Variants in NDUFAF4 observed in about 807,000 individuals in gnomAD.
NDUFAF4 encodes NADH dehydrogenase [ubiquinone] 1 alpha subcomplex assembly factor 4.
Under a neutral mutation model 15.6 loss-of-function variants are expected in NDUFAF4, and 10 were observed. The ratio of observed to expected loss-of-function variants is 0.64; its 90% CI spans 0.40 to 1.09. NDUFAF4 has a LOEUF of 1.09. Ranked by LOEUF, NDUFAF4 falls within the 50% of genes least tolerant of loss-of-function variation. The pLI is 0.01. For synonymous variants in NDUFAF4, 77 were observed against 73.3 expected (o/e 1.05, Z -0.26); for missense variants, 203 against 207.3 (o/e 0.98, Z 0.13).
chr6:96,897,432 G>C (rs529586458), intron 1 of NDUFAF4, among the ~76,000 whole-genome samples: 9 of 152,210 alleles, frequency 5.9e-5, no homozygotes, highest in Admixed American at 4.6e-4. Flanking sequence ...GGGAGCACTG[G>C]CTGCTGCCTC....
chr6:96,897,578 C>A, intron 1 of NDUFAF4, 88 bp downstream of exon 1: 1 of 1,565,606 alleles, frequency 6.4e-7, no homozygotes. Flanking sequence ...TGACGCCGAT[C>A]CCTCGGCCTC....
chr6:96,896,261 T>G (rs1238149172), intron 2 of NDUFAF4: 1 of 178,258 alleles, frequency 5.6e-6, no homozygotes, highest in East Asian at 1.5e-4. Context: ...ATTCCTAATG[T>G]ATTCTTTGAT....
intron 2 of NDUFAF4, 123 bp downstream of exon 2, chr6:96,896,621 C>T (rs1184028500): frequency 3.8e-6 from 3 of 798,784 alleles, no homozygotes; most frequent in South Asian, 1.4e-5. Context: ...TTTGCCAAGG[C>T]GTGTAGATTG....
chr6:96,897,548 G>A (rs1298084330), intron 1 of NDUFAF4, 118 bp downstream of exon 1: 7 of 1,439,798 alleles, frequency 4.9e-6, no homozygotes, highest in Non-Finnish European at 4.7e-6. Flanking sequence ...GCCAACCCGA[G>A]CGGCTGCGGC....
intron 1 of NDUFAF4, 124 bp from the exon 2 acceptor site, chr6:96,896,971 G>T: frequency 1.3e-6 from 1 of 748,110 alleles, no homozygotes. Flanking sequence ...CTGTTGCCCA[G>T]ACTGGAGTGC....
chr6:96,894,543 C>A (rs1177093465), intron 2 of NDUFAF4, among the ~76,000 whole-genome samples: 1 of 152,064 alleles, frequency 6.6e-6, no homozygotes, highest in Non-Finnish European at 1.5e-5. Flanking sequence ...GTAACTGTTC[C>A]ATTTTATTAG....
chr6:96,896,304 T>C (rs1582313768), intron 2 of NDUFAF4, among the ~76,000 whole-genome samples: 2 of 152,066 alleles, frequency 1.3e-5, no homozygotes, highest in Admixed American at 1.3e-4. Context: ...TCTGAATACA[T>C]CCTTAAAAAA....
intron 2 of NDUFAF4, among the ~76,000 whole-genome samples, chr6:96,894,291 C>T (rs1775346298): frequency 6.6e-6 from 1 of 152,140 alleles, no homozygotes; most frequent in East Asian, 1.9e-4. Context: ...ACTTAGTAGC[C>T]ATTCTGGTTA....
At chr6:96,894,358 T>C (rs1775346838) in intron 2 of NDUFAF4, among the ~76,000 whole-genome samples, 1 of 152,162 alleles carries the variant, frequency 6.6e-6, no homozygotes, top group Admixed American at 6.5e-5. Flanking sequence ...TTACCAAGAA[T>C]AGCCCCAAAG....
intron 2 of NDUFAF4, 96 bp from the exon 3 acceptor site, chr6:96,891,487 CTAA>C: frequency 7.8e-7 from 1 of 1,285,618 alleles, no homozygotes. Context: ...CAAATAACAA[CTAA>C]TATGGTTTGG....
chr6:96,895,112 C>T (rs982815968), intron 2 of NDUFAF4, among the ~76,000 whole-genome samples: 3 of 152,104 alleles, frequency 2.0e-5, no homozygotes, highest in African/African-American at 7.2e-5. Flanking sequence ...TATATTTACA[C>T]AACAAGCCAT....
intron 2 of NDUFAF4, among the ~76,000 whole-genome samples, chr6:96,895,014 A>G (rs1775354434): frequency 6.6e-6 from 1 of 152,212 alleles, no homozygotes; most frequent in Admixed American, 6.5e-5. Flanking sequence ...AAAAATAAGT[A>G]AAACTGATGA....
rs184678986 is a variant in NDUFAF4 at position 96,889,741 on chromosome 6, C to G, written c.*1363G>C. Reference sequence around the variant, plus strand: ...GGAAGTAGTGATGCCTATCTTCCCTCGGAAGCACTAATAACCCTAATATAC... The same window carrying G: ...GGAAGTAGTGATGCCTATCTTCCCTGGGAAGCACTAATAACCCTAATATAC... On this transcript the variant is annotated 3_prime_UTR_variant, in exon 3 of 3. Transcript: ENST00000316149. 1 of 152,394 alleles carries G rather than the reference C, an allele frequency of 6.6e-6. No homozygotes were observed. The highest frequency in any genetic ancestry group is 2.4e-5 in the African/African-American group (1 of 41,428). The allele number at this position is 152,394 out of a possible 1,614,324, so 9.4% of individuals were successfully genotyped here. A position where few individuals can be genotyped will look rare whatever the true frequency, so the allele number is the denominator to read the frequency against.
intron 2 of NDUFAF4, among the ~76,000 whole-genome samples, chr6:96,894,112 A>C (rs550755949): frequency 2.9e-4 from 44 of 152,332 alleles, no homozygotes; most frequent in African/African-American, 9.4e-4. Flanking sequence ...ACTACAGACC[A>C]AAAATATTAA....
intron 2 of NDUFAF4, among the ~76,000 whole-genome samples, chr6:96,892,181 T>C (rs528604772): frequency 4.6e-5 from 7 of 152,294 alleles, no homozygotes; most frequent in African/African-American, 1.7e-4. Context: ...TCATACTCAG[T>C]ACTCCCAAAC....
intron 2 of NDUFAF4, among the ~76,000 whole-genome samples, chr6:96,891,720 T>C (rs554333041): frequency 6.6e-6 from 1 of 151,964 alleles, no homozygotes; most frequent in Non-Finnish European, 1.5e-5. Flanking sequence ...CTGCTTCCCA[T>C]TCCACCATGA....
chr6:96,892,557 TC>T (rs1409251044), intron 2 of NDUFAF4, among the ~76,000 whole-genome samples: 1 of 152,164 alleles, frequency 6.6e-6, no homozygotes, highest in Non-Finnish European at 1.5e-5. Flanking sequence ...GCTTGCTATC[TC>T]TAATGACTGC....
intron 1 of NDUFAF4, 84 bp downstream of exon 1, chr6:96,897,582 C>T (rs1775402520): frequency 6.3e-7 from 1 of 1,580,982 alleles, no homozygotes; most frequent in Non-Finnish European, 8.6e-7. Flanking sequence ...GCCGATCCCT[C>T]GGCCTCCGGA....
chr6:96,889,461 A>T lies in NDUFAF4; in HGVS notation c.*1643T>A, dbSNP rs1212206315. The T allele has an allele frequency of 2.6e-5, 4 of 152,236 alleles. No homozygotes were observed. Among genetic ancestry groups the T allele is most frequent in the Non-Finnish European group, 4.4e-5 (3 of 68,032 alleles). The allele number at this position is 152,236 out of a possible 1,614,324, so 9.4% of individuals were successfully genotyped here. A position where few individuals can be genotyped will look rare whatever the true frequency, so the allele number is the denominator to read the frequency against. On this transcript the variant is annotated 3_prime_UTR_variant, in exon 3 of 3. Coordinates refer to ENST00000316149, the MANE Select transcript of NDUFAF4 (RefSeq NM_014165.4). ...TAGTGACCATTATGATAAAAAGAAT[A>T]AAGTTTTGACTTATTTACAGTTTTA...
Sources: allele counts gnomAD v4.1 joint callset (sites outside exome capture counted in the v4.1 genomes callset), GRCh38; gene constraint gnomAD v4.1.1; transcripts MANE v1.5; gene names NCBI Gene and HGNC (gene_info 2026-07-23, HGNC 2026-07-21).